The following PIP5K1B variants were observed in gnomAD, a reference collection of about 807,000 sequenced individuals.
PIP5K1B encodes the protein phosphatidylinositol 4-phosphate 5-kinase type-1 beta.
PIP5K1B carries 42 observed loss-of-function variants against 67.0 expected under a neutral mutation model. The observed-to-expected ratio is 0.63, with a 90% CI of 0.49 to 0.81. The LOEUF is 0.81. Ranked by LOEUF, PIP5K1B falls within the 30% of genes least tolerant of loss-of-function variation. The pLI, the probability that PIP5K1B is intolerant of heterozygous loss-of-function variation, is 0.00. For synonymous variants in PIP5K1B, 214 were observed against 231.4 expected (o/e 0.92, Z 0.68); for missense variants, 459 against 646.3 (o/e 0.71, Z 3.14).
intron 8 of PIP5K1B, among the ~76,000 whole-genome samples, chr9:68,898,525 C>T (rs903515487): frequency 6.6e-5 from 10 of 152,136 alleles, no homozygotes; most frequent in Non-Finnish European, 1.5e-4. Flanking sequence ...TTATTCAAAC[C>T]ATCCCCAATG....
At chr9:68,848,149 A>G (rs567119958) in intron 4 of PIP5K1B, among the ~76,000 whole-genome samples, 8 of 152,348 alleles carry the variant, frequency 5.3e-5, no homozygotes, top group Admixed American at 3.3e-4. Context: ...GGACTACAGT[A>G]AGTACTCAGG....
At chr9:68,933,624 T>C (rs1474285371) in intron 12 of PIP5K1B, among the ~76,000 whole-genome samples, 3 of 152,158 alleles carry the variant, frequency 2.0e-5, no homozygotes, top group Non-Finnish European at 4.4e-5. Flanking sequence ...AATCTTTCTA[T>C]TCTCAGTTTC....
intron 2 of PIP5K1B, among the ~76,000 whole-genome samples, chr9:68,813,151 TG>T (rs1332753453): frequency 6.6e-6 from 1 of 152,198 alleles, no homozygotes; most frequent in Non-Finnish European, 1.5e-5. Flanking sequence ...TTTCTGGACA[TG>T]GAGTTACTCA....
At position 68,754,175 on chromosome 9, in the gene PIP5K1B, C is replaced by CTTTTTTTTTTTTT. The variant is rs71353081; in HGVS notation, c.-86+11530_-86+11531insTTTTTTTTTTTTT. On this transcript the variant is annotated intron_variant, in intron 2 of 15. Coordinates refer to ENST00000265382, the MANE Select transcript of PIP5K1B (RefSeq NM_003558.4). ...AGTCTTCTTTTATGTTCCATGATTT[C>CTTTTTTTTTTTTT]TTTTTTTTTTTTGAGACAGAGTCTC... 5.0e-4 allele frequency among the ~76,000 whole-genome samples: 51 copies of CTTTTTTTTTTTTT among 101,060 alleles called. 10 individuals carry two copies. Among genetic ancestry groups the CTTTTTTTTTTTTT allele is most frequent in the African/African-American group, 6.1e-4 (15 of 24,402 alleles). The allele number at this position is 101,060 out of a possible 152,430, so 66.3% of individuals were successfully genotyped here.
chr9:68,721,187 G>T (rs1407389044), intron 1 of PIP5K1B, among the ~76,000 whole-genome samples: 1 of 152,186 alleles, frequency 6.6e-6, no homozygotes, highest in Admixed American at 6.5e-5. Context: ...ACAACTAGAA[G>T]AGTTTGATGG....
intron 2 of PIP5K1B, among the ~76,000 whole-genome samples, chr9:68,757,368 C>T (rs1829975469): frequency 6.6e-6 from 1 of 152,128 alleles, no homozygotes; most frequent in South Asian, 2.1e-4. Context: ...GTTGGCATTA[C>T]TGGCCAAGGT....
chr9:68,917,443 A>C, intron 8 of PIP5K1B, 105 bp from the exon 9 acceptor site: 1 of 806,638 alleles, frequency 1.2e-6, no homozygotes, highest in Non-Finnish European at 2.1e-6. Context: ...GCTGGGAGGA[A>C]TAACAGGAGC....
At chr9:68,969,539 G>GAA (rs377493962) in intron 14 of PIP5K1B, among the ~76,000 whole-genome samples, 1 of 149,952 alleles carries the variant, frequency 6.7e-6, no homozygotes, top group African/African-American at 2.5e-5. Flanking sequence ...ACTAGGGGAA[G>GAA]AAAAAAAAAC....
intron 8 of PIP5K1B, among the ~76,000 whole-genome samples, chr9:68,900,976 G>A (rs1404490195): frequency 6.6e-6 from 1 of 152,092 alleles, no homozygotes; most frequent in Non-Finnish European, 1.5e-5. Flanking sequence ...TATGGCTATT[G>A]CTTACCATTC....
At chr9:68,809,306 T>C in intron 2 of PIP5K1B, among the ~76,000 whole-genome samples, 1 of 152,178 alleles carries the variant, frequency 6.6e-6, no homozygotes, top group South Asian at 2.1e-4. Context: ...ACTGTTGTTT[T>C]TGTTGCCAAA....
chr9:68,728,448 C>T (rs913203888), intron 1 of PIP5K1B, among the ~76,000 whole-genome samples: 38 of 152,052 alleles, frequency 2.5e-4, no homozygotes, highest in African/African-American at 9.2e-4. Flanking sequence ...TAGGCCCCAC[C>T]TCGTAATACC....
chr9:68,944,153 T>C (rs1827690991), intron 14 of PIP5K1B, among the ~76,000 whole-genome samples: 1 of 152,192 alleles, frequency 6.6e-6, no homozygotes, highest in Non-Finnish European at 1.5e-5. Flanking sequence ...ATGCAGATCA[T>C]AGGAATAAAG....
At chr9:68,746,299 G>A (rs1829306337) in intron 2 of PIP5K1B, among the ~76,000 whole-genome samples, 1 of 151,918 alleles carries the variant, frequency 6.6e-6, no homozygotes, top group South Asian at 2.1e-4. Flanking sequence ...GGCTGGTCTT[G>A]AACTTCTGGC....
At chr9:68,846,236 T>C (rs549905709) in intron 4 of PIP5K1B, among the ~76,000 whole-genome samples, 7 of 152,230 alleles carry the variant, frequency 4.6e-5, no homozygotes, top group Non-Finnish European at 1.0e-4. Context: ...AATACTGATA[T>C]TAATGTTTCA....
At chr9:68,723,695 G>T (rs374721106) in intron 1 of PIP5K1B, among the ~76,000 whole-genome samples, 797 of 50,154 alleles carry the variant, frequency 0.016, 69 homozygotes, top group Admixed American at 0.14. Context: ...GAAGTATTTG[G>T]TTTTTTTTTT....
intron 4 of PIP5K1B, among the ~76,000 whole-genome samples, chr9:68,823,908 A>T (rs997579219): frequency 1.3e-5 from 2 of 152,122 alleles, no homozygotes; most frequent in African/African-American, 4.8e-5. Context: ...TTTTCCTGGC[A>T]TATCTTCTTT....
intron 2 of PIP5K1B, among the ~76,000 whole-genome samples, chr9:68,744,413 G>A (rs927690140): frequency 5.3e-5 from 8 of 152,282 alleles, no homozygotes; most frequent in Admixed American, 2.0e-4. Context: ...AACATATCAC[G>A]TGGCTATTCT....
chr9:68,921,145 G>A (rs1322315008), intron 11 of PIP5K1B, among the ~76,000 whole-genome samples: 2 of 152,034 alleles, frequency 1.3e-5, no homozygotes, highest in Non-Finnish European at 2.9e-5. Context: ...TTAAACAACA[G>A]GTTCACACAT....
intron 1 of PIP5K1B, among the ~76,000 whole-genome samples, chr9:68,715,192 G>C (rs1281324806): frequency 6.6e-6 from 1 of 152,212 alleles, no homozygotes; most frequent in East Asian, 1.9e-4. Context: ...CAGTTGACAT[G>C]GGTGCAGGAA....
Sources: gnomAD v4.1 joint callset for allele counts (sites outside exome capture counted in the v4.1 genomes callset) on GRCh38, gnomAD v4.1.1 for gene constraint, MANE v1.5 for transcripts, NCBI Gene and HGNC (gene_info 2026-07-23, HGNC 2026-07-21) for gene names.